Variants in DPEP1 observed in about 807,000 individuals in gnomAD.
DPEP1 encodes beta-lactamase.
In DPEP1, 50 loss-of-function variants were observed where a neutral mutation model predicts 42.3. The observed-to-expected ratio is 1.18, with a 90% CI of 0.94 to 1.50. The LOEUF (loss-of-function observed/expected upper bound fraction) is 1.50. DPEP1 is among the 40% of genes most tolerant of loss of function. DPEP1 has a pLI of 0.00. For missense variants in DPEP1, 663 were observed against 553.0 expected (o/e 1.20, Z -1.99); for synonymous variants, 297 against 234.0 (o/e 1.27, Z -2.46).
chr16:89,638,092 C>T lies in DPEP1; in HGVS notation c.1106C>T (p.Pro369Leu), dbSNP rs199569048. 45 of 1,612,208 alleles carry T rather than the reference C, an allele frequency of 2.8e-5. No individual in the cohort carries two copies. Among genetic ancestry groups the T allele is most frequent in the East Asian group, 8.9e-5 (4 of 44,884 alleles). Reference protein sequence around the residue: ...LTQAPEEEPIPLDQLGGSCRT... With the variant: ...LTQAPEEEPILLDQLGGSCRT... ...CAGGCTCCCGAGGAGGAGCCCATCC[C>T]GCTGGACCAGCTGGGTGGCTCCTGC... The change falls in exon 11 of 11, where the codon CCG becomes CTG. Residue 369 changes from proline to leucine, a missense_variant. Physicochemically the swap from Pro to Leu is moderately conservative, Grantham distance 98. Coordinates refer to ENST00000690203, the MANE Select transcript of DPEP1 (RefSeq NM_001389466.1).
chr16:89,640,187 A>T (rs1023373585), downstream of DPEP1, among the ~76,000 whole-genome samples: 2 of 152,202 alleles, frequency 1.3e-5, no homozygotes, highest in African/African-American at 2.4e-5. Context: ...ACAGGGCAGG[A>T]CAGGACCCCC....
chr16:89,628,447 G>A (rs962243687), intron 1 of DPEP1, among the ~76,000 whole-genome samples: 10 of 149,644 alleles, frequency 6.7e-5, no homozygotes, highest in East Asian at 6.0e-4. Context: ...TAGTAGAGAC[G>A]GGGTTTCACC....
chr16:89,629,115 C>A (rs532097163), intron 1 of DPEP1, among the ~76,000 whole-genome samples: 1 of 152,308 alleles, frequency 6.6e-6, no homozygotes, highest in Non-Finnish European at 1.5e-5. Flanking sequence ...GCGTGAATGA[C>A]TGTGCCCAGC....
chr16:89,629,476 G>A (rs2059556680), intron 1 of DPEP1, among the ~76,000 whole-genome samples: 1 of 151,710 alleles, frequency 6.6e-6, no homozygotes, highest in Non-Finnish European at 1.5e-5. Context: ...TCCTCCAGCT[G>A]GGGCGATCCT....
At chr16:89,628,771 A>C (rs966127606) in intron 1 of DPEP1, among the ~76,000 whole-genome samples, 4 of 151,580 alleles carry the variant, frequency 2.6e-5, no homozygotes, top group African/African-American at 9.7e-5. Context: ...AAAAATCAGA[A>C]TATTGGGCCT....
intron 1 of DPEP1, among the ~76,000 whole-genome samples, chr16:89,617,096 C>G (rs763954743): frequency 1.1e-4 from 17 of 152,140 alleles, no homozygotes; most frequent in Non-Finnish European, 2.1e-4. Context: ...GTGAGGGTAG[C>G]ACAGGTCATT....
Position 89,638,398 on chromosome 16 carries a change from A to G in DPEP1, c.*176A>G, listed in dbSNP as rs545667676. ...CCTGGGGACAGTTCAGGACACACAC[A>G]CAGTAGGCCCGCAATAAAAGCAACA... On this transcript the variant is annotated 3_prime_UTR_variant, in exon 11 of 11. Transcript: ENST00000690203. 5 of 1,360,830 alleles carry G rather than the reference A, an allele frequency of 3.7e-6. No homozygotes were observed. In the East Asian group the frequency reaches 1.4e-4, roughly 38 times the overall value. 84.3% of individuals were successfully genotyped at this position (1,360,830 alleles called of 1,614,324 possible). A position where few individuals can be genotyped will look rare whatever the true frequency, so the allele number is the denominator to read the frequency against.
At chr16:89,615,141 C>G (rs455344) in intron 1 of DPEP1, among the ~76,000 whole-genome samples, 67,652 of 152,060 alleles carry the variant, frequency 0.44, 15,757 homozygotes, top group Middle Eastern at 0.58. Context: ...GTCTCCTTGT[C>G]GACAAAAGGT....
At chr16:89,637,603 G>C (rs201976377) in intron 8 of DPEP1, 29 bp from the exon 9 acceptor site, 2 of 1,612,808 alleles carry the variant, frequency 1.2e-6, no homozygotes, top group Non-Finnish European at 1.7e-6. Context: ...GGCCTCACTC[G>C]GGACCCATAC....
At chr16:89,613,884 G>C (rs1017598548) in intron 1 of DPEP1, among the ~76,000 whole-genome samples, 165 bp downstream of exon 1, 2 of 149,908 alleles carry the variant, frequency 1.3e-5, no homozygotes, top group African/African-American at 4.9e-5. Flanking sequence ...GGCCAGGTGT[G>C]TGCGGCAGGG....
chr16:89,618,273 G>C lies in DPEP1; in HGVS notation c.-107+4554G>C, dbSNP rs979694292. ...GCTCTGTCACCCGGGCTGGAGTGCAGTGGTAGGATCACGGCTCACTGTAGC... is the reference window on the plus strand; with the variant it reads ...GCTCTGTCACCCGGGCTGGAGTGCACTGGTAGGATCACGGCTCACTGTAGC... On this transcript the variant is annotated intron_variant, in intron 1 of 10. Coordinates refer to ENST00000690203, the MANE Select transcript of DPEP1 (RefSeq NM_001389466.1). Among the ~76,000 whole-genome samples, 15 of 152,278 alleles carry C rather than the reference G, an allele frequency of 9.9e-5. 2 individuals are homozygous for C. Among genetic ancestry groups the C allele is most frequent in the Admixed American group, 7.2e-4 (11 of 15,298 alleles).
At chr16:89,621,710 CT>C (rs2059448334) in intron 1 of DPEP1, among the ~76,000 whole-genome samples, 1 of 152,216 alleles carries the variant, frequency 6.6e-6, no homozygotes, top group African/African-American at 2.4e-5. Context: ...TGCGGCTCAC[CT>C]GTGCATGCAC....
chr16:89,632,741 T>A (rs1029596086), intron 2 of DPEP1, among the ~76,000 whole-genome samples: 23 of 152,058 alleles, frequency 1.5e-4, no homozygotes, highest in Admixed American at 1.4e-3. Flanking sequence ...GGCCCCACCT[T>A]CCCATCGTTT....
At chr16:89,641,145 A>G (rs1215959143), downstream of DPEP1, among the ~76,000 whole-genome samples, 1 of 152,230 alleles carries the variant, frequency 6.6e-6, no homozygotes, top group Non-Finnish European at 1.5e-5. Context: ...TACTGGGTGG[A>G]ACATGAAGGC....
intron 1 of DPEP1, among the ~76,000 whole-genome samples, chr16:89,626,894 G>T (rs2151486889): frequency 6.6e-6 from 1 of 151,376 alleles, no homozygotes; most frequent in Admixed American, 6.6e-5. Context: ...GAGGCGGGTG[G>T]ATCACTTGGG....
chr16:89,627,036 C>T (rs58269436), intron 1 of DPEP1, among the ~76,000 whole-genome samples: 4,829 of 150,158 alleles, frequency 0.032, 249 homozygotes, highest in African/African-American at 0.11. Context: ...CCGAGGCGGG[C>T]GGATCACGAG....
chr16:89,616,802 C>G (rs1169643355), intron 1 of DPEP1: 1 of 264,484 alleles, frequency 3.8e-6, no homozygotes, highest in African/African-American at 2.4e-5. Context: ...GGGCAGGAAG[C>G]AGGCAGAAAG....
chr16:89,621,377 G>A (rs1314835438), intron 1 of DPEP1, among the ~76,000 whole-genome samples: 1 of 152,106 alleles, frequency 6.6e-6, no homozygotes, highest in African/African-American at 2.4e-5. Flanking sequence ...GGAGGCGTTG[G>A]GGGCAGAAGT....
chr16:89,627,001 C>T (rs1448877816), intron 1 of DPEP1, among the ~76,000 whole-genome samples: 6 of 151,924 alleles, frequency 3.9e-5, no homozygotes, highest in African/African-American at 9.7e-5. Context: ...GTGGCTCACA[C>T]CTGTAATCCC....
Sources: allele counts gnomAD v4.1 joint callset (sites outside exome capture counted in the v4.1 genomes callset), GRCh38; gene constraint gnomAD v4.1.1; transcripts MANE v1.5; gene names NCBI Gene and HGNC (gene_info 2026-07-23, HGNC 2026-07-21).